The following IL12RB1 variants were observed in gnomAD, a reference collection of about 807,000 sequenced individuals.
The protein encoded by IL12RB1 is interleukin-12 receptor subunit beta-1.
IL12RB1 carries 64 observed loss-of-function variants against 94.4 expected under a neutral mutation model. That is an observed-to-expected ratio of 0.68 (90% CI 0.55 to 0.83). IL12RB1 has a LOEUF of 0.83. IL12RB1 is among the 40% of genes least tolerant of loss of function. IL12RB1 has a pLI of 0.00. For missense variants in IL12RB1, 814 were observed against 855.6 expected, an observed-to-expected ratio of 0.95 and a Z score of 0.61; for synonymous variants, 362 against 355.5, an observed-to-expected ratio of 1.02 and a Z score of -0.21.
chr19:18,078,803 G>T (rs541759954), intron 4 of IL12RB1, among the ~76,000 whole-genome samples: 148 of 152,168 alleles, frequency 9.7e-4, no homozygotes, highest in African/African-American at 3.2e-3. Context: ...CTGCACCGTG[G>T]TCATACCCGG....
chr19:18,093,492 A>G (rs1013138723), intron 1 of IL12RB1, among the ~76,000 whole-genome samples: 2 of 151,960 alleles, frequency 1.3e-5, no homozygotes, highest in Admixed American at 6.6e-5. Context: ...CAGTGTAGGA[A>G]TTCTCCAGAT....
chr19:18,079,082 G>A (rs1334406398), intron 4 of IL12RB1, among the ~76,000 whole-genome samples: 1 of 151,268 alleles, frequency 6.6e-6, no homozygotes, highest in East Asian at 2.0e-4. Flanking sequence ...TACTTTTTTG[G>A]TGTGTGGTGA....
At chr19:18,084,700 T>C (rs1568523025) in intron 1 of IL12RB1, among the ~76,000 whole-genome samples, 1 of 151,696 alleles carries the variant, frequency 6.6e-6, no homozygotes, top group African/African-American at 2.4e-5. Flanking sequence ...CATCCATCCA[T>C]ACATACATAC....
intron 6 of IL12RB1, 93 bp from the exon 7 acceptor site, chr19:18,075,961 G>T: frequency 1.6e-6 from 2 of 1,275,468 alleles, no homozygotes; most frequent in Non-Finnish European, 2.3e-6. Context: ...AGCTCCAACT[G>T]TGTACAGAGC....
chr19:18,066,913 G>A (rs2034625380), intron 11 of IL12RB1, among the ~76,000 whole-genome samples: 1 of 151,962 alleles, frequency 6.6e-6, no homozygotes, highest in Admixed American at 6.6e-5. Context: ...TGTAATCCCA[G>A]CTACTCAGGA....
upstream of IL12RB1, among the ~76,000 whole-genome samples, chr19:18,090,233 G>A (rs1365786804): frequency 1.3e-5 from 2 of 152,124 alleles, no homozygotes; most frequent in African/African-American, 4.8e-5. Context: ...GCAGGTGCCT[G>A]TAGTCCCAGC....
Position 18,086,013 on chromosome 19 carries a change from C to T in IL12RB1, c.64+747G>A, listed in dbSNP as rs1023960512. ...AGTGGATCATTTGAGCCCAGGAGTT[C>T]GAGACCAGCCTGGGCAACACAGCGA... On this transcript the variant is annotated intron_variant, in intron 1 of 16. Transcript: ENST00000593993. Among the ~76,000 whole-genome samples the T allele has an allele frequency of 4.0e-5, 6 of 151,764 alleles. No individual in the cohort carries two copies. The East Asian group carries it at 5.9e-4, about 15-fold the overall frequency.
chr19:18,092,595 G>T (rs1323012067), intron 1 of IL12RB1, among the ~76,000 whole-genome samples: 1 of 151,694 alleles, frequency 6.6e-6, no homozygotes, highest in African/African-American at 2.4e-5. Flanking sequence ...GCTTGAACCT[G>T]GTAGGCGGAG....
At chr19:18,072,404 T>C (rs929597331) in intron 8 of IL12RB1, 55 bp from the exon 9 acceptor site, 70 of 1,132,416 alleles carry the variant, frequency 6.2e-5, no homozygotes, top group Admixed American at 2.0e-4. Context: ...CATCATCCCA[T>C]AGGCAGACAG....
upstream of IL12RB1, among the ~76,000 whole-genome samples, chr19:18,088,404 T>TAA (rs1555788629): frequency 2.2e-5 from 3 of 137,736 alleles, no homozygotes; most frequent in South Asian, 2.3e-4. Context: ...TATATATATA[T>TAA]AAATTAAAAG....
upstream of IL12RB1, among the ~76,000 whole-genome samples, chr19:18,088,630 CCT>C (rs2036491531): frequency 2.0e-5 from 3 of 151,760 alleles, no homozygotes; most frequent in African/African-American, 7.3e-5. Flanking sequence ...CATTTCTTAG[CCT>C]CTGAGTATTT....
chr19:18,076,584 G>C (rs1280744052), intron 5 of IL12RB1, among the ~76,000 whole-genome samples: 1 of 151,820 alleles, frequency 6.6e-6, no homozygotes, highest in Non-Finnish European at 1.5e-5. Context: ...TTGCATTTTT[G>C]GTAGAGACGG....
At chr19:18,082,421 C>A (rs1599556461) in intron 2 of IL12RB1, 157 bp from the exon 3 acceptor site, 2 of 672,776 alleles carry the variant, frequency 3.0e-6, no homozygotes, top group East Asian at 5.5e-5. Context: ...CTCACCTCAA[C>A]CTATTCCGAA....
Position 18,086,771 on chromosome 19 carries a change from G to A in IL12RB1, c.53C>T (p.Ser18Phe). ...VVPLLFLFLLSRQGAACRTSE... is the reference protein window; with the variant it reads ...VVPLLFLFLLFRQGAACRTSE... ...GTCAGGGGACTCACCGCCCTGCCTG[G>A]ACAGCAGGAAGAGGAAGAGGAGGGG... is the stretch of plus-strand genomic sequence containing the variant. The change falls in exon 1 of 17, where the codon TCC becomes TTC. Residue 18 changes from serine to phenylalanine, a missense_variant. Physicochemically the swap from Ser to Phe is radical, Grantham distance 155. Transcript: ENST00000593993. 6.2e-7 allele frequency: 1 copy of A among 1,611,158 alleles called. No individual in the cohort carries two copies. The highest frequency in any genetic ancestry group is 8.5e-7 in the Non-Finnish European group (1 of 1,179,062).
chr19:18,081,366 G>A lies in IL12RB1; in HGVS notation c.240-365C>T, dbSNP rs781614917. ...CCACCTCAGCCTCCCAAAGTGCTGGGATTACAAGCGTGAGCCACCGTGCCC... is the reference window on the plus strand; with the variant it reads ...CCACCTCAGCCTCCCAAAGTGCTGGAATTACAAGCGTGAGCCACCGTGCCC... On this transcript the variant is annotated intron_variant, in intron 3 of 16. Transcript: ENST00000593993. Among the ~76,000 whole-genome samples, 153 of 151,606 alleles carry A rather than the reference G, an allele frequency of 1.0e-3. 1 individual carries two copies. Among genetic ancestry groups the A allele is most frequent in the Middle Eastern group, 6.8e-3 (2 of 292 alleles).
At chr19:18,084,679 ATC>A (rs1568522765) in intron 1 of IL12RB1, among the ~76,000 whole-genome samples, 8 of 151,980 alleles carry the variant, frequency 5.3e-5, no homozygotes, top group African/African-American at 1.7e-4. Context: ...CCATCCATCC[ATC>A]CATCCATCCA....
chr19:18,093,366 G>A (rs919061097), intron 1 of IL12RB1, among the ~76,000 whole-genome samples: 4 of 144,456 alleles, frequency 2.8e-5, no homozygotes, highest in Non-Finnish European at 6.1e-5. Context: ...GTGTGCGTGT[G>A]TGTGTGTGTG....
At chr19:18,063,493 G>C (rs775172340) in intron 13 of IL12RB1, among the ~76,000 whole-genome samples, 102 of 152,086 alleles carry the variant, frequency 6.7e-4, no homozygotes, top group Non-Finnish European at 1.2e-3. Context: ...CAGATACCTT[G>C]ACACATCTAC....
intron 4 of IL12RB1, among the ~76,000 whole-genome samples, chr19:18,079,265 G>A (rs968492108): frequency 2.0e-4 from 30 of 151,746 alleles, no homozygotes; most frequent in African/African-American, 7.0e-4. Context: ...CACCACACTC[G>A]GCTAATTTTT....
Sources: gnomAD v4.1 joint callset for allele counts (sites outside exome capture counted in the v4.1 genomes callset) on GRCh38, gnomAD v4.1.1 for gene constraint, MANE v1.5 for transcripts, NCBI Gene and HGNC (gene_info 2026-07-23, HGNC 2026-07-21) for gene names.